The following EVI5L variants were observed in gnomAD, a reference collection of about 807,000 sequenced individuals.
The protein encoded by EVI5L is EVI5-like protein.
EVI5L carries 30 observed loss-of-function variants against 106.1 expected under a neutral mutation model. The observed-to-expected ratio is 0.28, with a 90% CI of 0.21 to 0.38. EVI5L has a LOEUF of 0.38. Among genes scored for constraint, EVI5L ranks in the 10% least tolerant of loss-of-function variants. The pLI is 1.00. For missense variants in EVI5L, 809 were observed against 1,098.0 expected (o/e 0.74, Z 3.72); for synonymous variants, 489 against 483.3 (o/e 1.01, Z -0.15).
chr19:7,849,185 A>G, intron 4 of EVI5L, 40 bp downstream of exon 4: 1 of 1,612,658 alleles, frequency 6.2e-7, no homozygotes, highest in Non-Finnish European at 8.5e-7. Context: ...TCCCAAAGGA[A>G]GGAGAAGTTC....
In EVI5L at chr19:7,856,868, C is replaced by T. The variant is rs1441858979; in HGVS notation, c.1201-224C>T. Reference sequence around the variant, plus strand: ...CACAGCCGCGGGCACCCCCGACCTCCCCGCTCACACCGAACCCCTCTCCAG... The same window carrying T: ...CACAGCCGCGGGCACCCCCGACCTCTCCGCTCACACCGAACCCCTCTCCAG... On this transcript the variant is annotated intron_variant, in intron 11 of 19. Coordinates refer to ENST00000538904, the MANE Select transcript of EVI5L (RefSeq NM_001159944.3). The surrounding 1 kb of genome is among the most constrained non-coding windows in gnomAD (Gnocchi z 6.6). 2.9e-6 allele frequency: 2 copies of T among 698,056 alleles called. No individual in the cohort carries two copies. Among genetic ancestry groups the T allele is most frequent in the Non-Finnish European group, 5.2e-6 (2 of 383,172 alleles). 43.2% of individuals were successfully genotyped at this position (698,056 alleles called of 1,614,324 possible). A position where few individuals can be genotyped will look rare whatever the true frequency, so the allele number is the denominator to read the frequency against.
At chr19:7,855,675 C>G (rs1291538618) in intron 10 of EVI5L, among the ~76,000 whole-genome samples, 3 of 152,212 alleles carry the variant, frequency 2.0e-5, no homozygotes, top group Non-Finnish European at 4.4e-5. Context: ...GATTCCCGCA[C>G]AACCCTTGGC....
chr19:7,857,222 C>T lies in EVI5L; in HGVS notation c.1233+98C>T, dbSNP rs993835671. ...TAACCGCCTCTTCCCTGCCATTCTG[C>T]GGGCAGGCCTGGCGCCATGCATGGA... On this transcript the variant is annotated intron_variant, in intron 12 of 19. Coordinates refer to ENST00000538904, the MANE Select transcript of EVI5L (RefSeq NM_001159944.3). The surrounding 1 kb of genome is among the most constrained non-coding windows in gnomAD (Gnocchi z 4.5). The T allele has an allele frequency of 1.7e-5, 25 of 1,480,222 alleles. No homozygotes were observed. Among genetic ancestry groups the T allele is most frequent in the African/African-American group, 4.2e-5 (3 of 71,608 alleles). The allele number at this position is 1,480,222 out of a possible 1,614,324, so 91.7% of individuals were successfully genotyped here. A position where few individuals can be genotyped will look rare whatever the true frequency, so the allele number is the denominator to read the frequency against.
chr19:7,860,733 G>A (rs1200543717), intron 14 of EVI5L, 44 bp downstream of exon 14: 8 of 1,526,650 alleles, frequency 5.2e-6, no homozygotes, highest in Non-Finnish European at 6.2e-6. Flanking sequence ...GGGACCCTGG[G>A]GCACAGGAGG....
chr19:7,842,007 G>A (rs985712440), intron 1 of EVI5L, among the ~76,000 whole-genome samples: 3 of 152,198 alleles, frequency 2.0e-5, no homozygotes, highest in Non-Finnish European at 2.9e-5. Context: ...GTGTGAGCGC[G>A]TGTGTGTAGA....
Position 7,863,081 on chromosome 19 carries a change from CCGGGGTCGGGGGG to C in EVI5L, c.2043+20_2043+32del, listed in dbSNP as rs1338799602. The C allele has an allele frequency of 7.4e-7, 1 of 1,360,246 alleles. No individual in the cohort carries two copies. Among genetic ancestry groups the C allele is most frequent in the South Asian group, 1.4e-5 (1 of 73,584 alleles). 84.3% of individuals were successfully genotyped at this position (1,360,246 alleles called of 1,614,324 possible). ...CTGGAGATCCAGGTGATCGGCGGGG[CCGGGGTCGGGGGG>C]CGGGGGCGGGGGCAGGGCCCGGGGC... On this transcript the variant is annotated intron_variant, in intron 18 of 19. Coordinates refer to ENST00000538904, the MANE Select transcript of EVI5L (RefSeq NM_001159944.3). This position sits in a 1 kb window ranked among gnomAD's most constrained non-coding sequence, Gnocchi z 7.7.
At chr19:7,851,109 C>T (rs796991966) in intron 6 of EVI5L, among the ~76,000 whole-genome samples, 11 of 152,232 alleles carry the variant, frequency 7.2e-5, no homozygotes, top group African/African-American at 2.6e-4. Flanking sequence ...AGTGACCCAA[C>T]TCCCCCAGCC....
At chr19:7,851,020 G>GT (rs1169549967) in intron 6 of EVI5L, among the ~76,000 whole-genome samples, 2 of 128,396 alleles carry the variant, frequency 1.6e-5, no homozygotes, top group Non-Finnish European at 1.7e-5. Flanking sequence ...ACGTAACAAG[G>GT]TGGGGGGGGG....
At chr19:7,834,532 CA>C (rs1978315509) in intron 1 of EVI5L, among the ~76,000 whole-genome samples, 1 of 152,056 alleles carries the variant, frequency 6.6e-6, no homozygotes. Context: ...CTATTGTTAT[CA>C]ATAAAGATTA....
chr19:7,851,854 G>A lies in EVI5L; in HGVS notation c.987+84G>A, dbSNP rs1189298523. 9.3e-6 allele frequency: 12 copies of A among 1,295,420 alleles called. No individual in the cohort carries two copies. In the South Asian group the frequency reaches 1.5e-4, roughly 16 times the overall value. The allele number at this position is 1,295,420 out of a possible 1,614,324, so 80.2% of individuals were successfully genotyped here. A position where few individuals can be genotyped will look rare whatever the true frequency, so the allele number is the denominator to read the frequency against. On this transcript the variant is annotated intron_variant, in intron 8 of 19. Transcript: ENST00000538904. The stretch of plus-strand genomic sequence containing the variant: ...GGATGCCCTCACAAGTGACAGAGAG[G>A]GCCCGGCTTCGAGGGTGGAAGGTGG...
intron 1 of EVI5L, among the ~76,000 whole-genome samples, chr19:7,840,633 C>T (rs1978559893): frequency 6.6e-6 from 1 of 152,162 alleles, no homozygotes; most frequent in African/African-American, 2.4e-5. Flanking sequence ...TCCTCCCTCC[C>T]CCTGGCCCCT....
In EVI5L at chr19:7,863,250, C is replaced by G; in HGVS notation, c.2109C>G (p.Leu703=). ...HSDSSQYIRE[L]KDQIEELKAE... ...ACTCATCGCAGTACATCCGCGAGCT[C>G]AAGGACCAGATCGAGGAGCTGAAGG... Residue 703 remains leucine, a synonymous_variant, in exon 19 of 20, where the codon CTC becomes CTG. Coordinates refer to ENST00000538904, the MANE Select transcript of EVI5L (RefSeq NM_001159944.3). The surrounding 1 kb of genome is among the most constrained non-coding windows in gnomAD (Gnocchi z 7.7). The G allele has an allele frequency of 1.3e-6, 2 of 1,560,800 alleles. No individual in the cohort carries two copies. The highest frequency in any genetic ancestry group is 1.7e-6 in the Non-Finnish European group (2 of 1,152,626).
In EVI5L at chr19:7,856,171, CT is replaced by C; in HGVS notation, c.1200+104del. The C allele has an allele frequency of 2.7e-6, 3 of 1,128,966 alleles. No homozygotes were observed. Among genetic ancestry groups the C allele is most frequent in the Non-Finnish European group, 3.5e-6 (3 of 864,284 alleles). 69.9% of individuals were successfully genotyped at this position (1,128,966 alleles called of 1,614,324 possible). Reference sequence around the variant, plus strand: ...GGTGGACTCCTCCAAGTCTTCTCCTCTCTGGAGGACTAAGCAGCCCTACCTT... The same window carrying C: ...GGTGGACTCCTCCAAGTCTTCTCCTCCTGGAGGACTAAGCAGCCCTACCTT... On this transcript the variant is annotated intron_variant, in intron 11 of 19. Coordinates refer to ENST00000538904, the MANE Select transcript of EVI5L (RefSeq NM_001159944.3). This position sits in a 1 kb window ranked among gnomAD's most constrained non-coding sequence, Gnocchi z 6.6.
Position 7,857,381 on chromosome 19 carries a change from TTCCTCCGGGC to T in EVI5L, c.1233+258_1233+267del, listed in dbSNP as rs1178040482. 1 of 596,898 alleles carries T rather than the reference TTCCTCCGGGC, an allele frequency of 1.7e-6. No individual in the cohort carries two copies. The highest frequency in any genetic ancestry group is 3.0e-6 in the Non-Finnish European group (1 of 335,190). 37.0% of individuals were successfully genotyped at this position (596,898 alleles called of 1,614,324 possible). A position where few individuals can be genotyped will look rare whatever the true frequency, so the allele number is the denominator to read the frequency against. ...ATGTCCACATGCATGTACAGAAAGC[TTCCTCCGGGC>T]GACACAGGGTGGGGACCCAGGAGGG... On this transcript the variant is annotated intron_variant, in intron 12 of 19. Transcript: ENST00000538904. This position sits in a 1 kb window ranked among gnomAD's most constrained non-coding sequence, Gnocchi z 4.5.
Position 7,858,481 on chromosome 19 carries a change from C to T in EVI5L, c.1374+150C>T, listed in dbSNP as rs1182841327. 2 of 981,652 alleles carry T rather than the reference C, an allele frequency of 2.0e-6. No homozygotes were observed. The highest frequency in any genetic ancestry group is 5.4e-5 in the East Asian group (2 of 37,276). The allele number at this position is 981,652 out of a possible 1,614,324, so 60.8% of individuals were successfully genotyped here. A position where few individuals can be genotyped will look rare whatever the true frequency, so the allele number is the denominator to read the frequency against. On this transcript the variant is annotated intron_variant, in intron 13 of 19. Coordinates refer to ENST00000538904, the MANE Select transcript of EVI5L (RefSeq NM_001159944.3). The surrounding 1 kb of genome is among the most constrained non-coding windows in gnomAD (Gnocchi z 5.7). Reference sequence around the variant, plus strand: ...GGGGTAAGGGGAACCCAGAGACAAGCGCAGATTCTCCCCCAGCAGCTCCAC... The same window carrying T: ...GGGGTAAGGGGAACCCAGAGACAAGTGCAGATTCTCCCCCAGCAGCTCCAC...
At position 7,847,896 on chromosome 19, in the gene EVI5L, G is replaced by A. The variant is rs757837977; in HGVS notation, c.302G>A (p.Arg101Gln). The A allele has an allele frequency of 1.7e-5, 27 of 1,562,038 alleles. 1 individual carries two copies. The highest frequency in any genetic ancestry group is 1.1e-4 in the Admixed American group (6 of 52,514). Residue 101 changes from arginine to glutamine, a missense_variant, in exon 3 of 20, where the codon CGG becomes CAG. Coordinates refer to ENST00000538904, the MANE Select transcript of EVI5L (RefSeq NM_001159944.3). ...ATCGCCAACGAGTGGGAGGAGTGGC[G>A]GCGCAGGAAGGAGAAGCTGCTCAAG... ...GRIANEWEEW[R>Q]RRKEKLLKEL...
rs1979540385 is a variant in EVI5L at position 7,856,655 on chromosome 19, G to A, written c.1201-437G>A. The stretch of plus-strand genomic sequence containing the variant: ...GCCACAGGAAGTGGGTTGGCAGCCG[G>A]ATTTGGTTGCCCTCACCCCAAAGCC... On this transcript the variant is annotated intron_variant, in intron 11 of 19. Coordinates refer to ENST00000538904, the MANE Select transcript of EVI5L (RefSeq NM_001159944.3). The surrounding 1 kb of genome is among the most constrained non-coding windows in gnomAD (Gnocchi z 6.6). 6.6e-6 allele frequency among the ~76,000 whole-genome samples: 1 copy of A among 152,052 alleles called. No homozygotes were observed. Among genetic ancestry groups the A allele is most frequent in the African/African-American group, 2.4e-5 (1 of 41,414 alleles).
In EVI5L at chr19:7,851,517, G is replaced by C. The variant is rs774461220; in HGVS notation, c.837G>C (p.Leu279=). The change falls in exon 7 of 20, where the codon CTG becomes CTC. Residue 279 remains leucine (L), a synonymous_variant. Transcript: ENST00000538904. ...SMYASSWFLT[L]FLTTFPLPVA... ...ATGCCTCGTCCTGGTTCCTCACACT[G>C]TTCCTGACCACCTTCCCACTCCCCG... 5 of 1,613,102 alleles carry C rather than the reference G, an allele frequency of 3.1e-6. No individual in the cohort carries two copies. The East Asian group carries it at 8.9e-5, about 29-fold the overall frequency.
chr19:7,862,188 G>A lies in EVI5L; in HGVS notation c.1711G>A (p.Asp571Asn). ...PRKLVVGELQ[D>N]ELMSVRLREA... ...GAAGCTGGTCGTGGGCGAGCTGCAG[G>A]ACGAGCTGATGAGCGTGCGTCTGCG... Residue 571 changes from aspartate to asparagine, a missense_variant, in exon 16 of 20, where the codon GAC becomes AAC. Asp to Asn is a conservative substitution (Grantham distance 23, BLOSUM62 1). Around this residue, in one of 2 missense-constraint regions of EVI5L, gnomAD observed 452 missense variants for 509.9 expected, o/e 0.89. Coordinates refer to ENST00000538904, the MANE Select transcript of EVI5L (RefSeq NM_001159944.3). 6.3e-7 allele frequency: 1 copy of A among 1,577,086 alleles called. No homozygotes were observed. Among genetic ancestry groups the A allele is most frequent in the Non-Finnish European group, 8.6e-7 (1 of 1,165,034 alleles).
Sources: gnomAD v4.1 joint callset for allele counts (sites outside exome capture counted in the v4.1 genomes callset) on GRCh38, gnomAD v4.1.1 for gene constraint, gnomAD v4.1.1 regional missense constraint, Gnocchi (gnomAD v3.1) non-coding constraint, MANE v1.5 for transcripts, NCBI Gene and HGNC (gene_info 2026-07-23, HGNC 2026-07-21) for gene names.